CHST8: variants seen among roughly 807,000 people sequenced by gnomAD.
CHST8 encodes the protein GALNAC-4-ST1.
Under a neutral mutation model 15.0 loss-of-function variants are expected in CHST8, and 10 were observed. The ratio of observed to expected loss-of-function variants is 0.67; its 90% CI spans 0.41 to 1.13. CHST8 has a LOEUF of 1.13. Ranked by LOEUF, CHST8 falls within the 50% of genes most tolerant of loss-of-function variation. The probability of loss-of-function intolerance (pLI) is 0.00; values close to 1 mark genes in which losing one functional copy is unlikely to be tolerated. For missense variants in CHST8, 634 were observed against 608.2 expected, an observed-to-expected ratio of 1.04 and a Z score of -0.45; for synonymous variants, 259 against 256.6, an observed-to-expected ratio of 1.01 and a Z score of -0.09.
At chr19:33,704,433 A>T (rs1449797633) in intron 3 of CHST8, among the ~76,000 whole-genome samples, 1 of 152,158 alleles carries the variant, frequency 6.6e-6, no homozygotes, top group Non-Finnish European at 1.5e-5. Context: ...AGTAGGCCTG[A>T]CAGAGCCACA....
chr19:33,760,506 G>C (rs555599096), intron 3 of CHST8, among the ~76,000 whole-genome samples: 1 of 151,160 alleles, frequency 6.6e-6, no homozygotes, highest in African/African-American at 2.4e-5. Flanking sequence ...TTTTTTTAGA[G>C]ATGGGGTCTC....
chr19:33,651,681 T>C (rs1019717114), intron 1 of CHST8, among the ~76,000 whole-genome samples: 1 of 152,210 alleles, frequency 6.6e-6, no homozygotes, highest in Non-Finnish European at 1.5e-5. Flanking sequence ...AAGAGCATTT[T>C]TTTCTCTTCT....
intron 1 of CHST8, among the ~76,000 whole-genome samples, chr19:33,648,277 G>GC (rs1305490060): frequency 6.6e-6 from 1 of 152,146 alleles, no homozygotes; most frequent in African/African-American, 2.4e-5. Flanking sequence ...CCTGAAGTGT[G>GC]CAATTCCATG....
intron 1 of CHST8, among the ~76,000 whole-genome samples, chr19:33,648,697 C>T (rs1172320457): frequency 6.6e-6 from 1 of 152,128 alleles, no homozygotes; most frequent in Non-Finnish European, 1.5e-5. Flanking sequence ...CCAGCAATTC[C>T]ACTCCTGGGT....
At chr19:33,727,787 G>A (rs1466187231) in intron 3 of CHST8, among the ~76,000 whole-genome samples, 1 of 152,248 alleles carries the variant, frequency 6.6e-6, no homozygotes, top group Non-Finnish European at 1.5e-5. Context: ...GCCGTAGCGG[G>A]CTGGTGGCTG....
chr19:33,727,119 G>A (rs1355250849), intron 3 of CHST8, among the ~76,000 whole-genome samples: 3 of 151,702 alleles, frequency 2.0e-5, no homozygotes, highest in Non-Finnish European at 4.4e-5. Context: ...CTGGCCACGC[G>A]TCCTGCTCCC....
intron 3 of CHST8, among the ~76,000 whole-genome samples, chr19:33,709,899 C>A (rs1291122107): frequency 6.6e-6 from 1 of 152,264 alleles, no homozygotes; most frequent in African/African-American, 2.4e-5. Context: ...GCCTCTAACT[C>A]CTAGGCTCAA....
chr19:33,771,911 C>T, intron 4 of CHST8, 46 bp from the exon 5 acceptor site: 1 of 1,520,684 alleles, frequency 6.6e-7, no homozygotes, highest in Non-Finnish European at 8.8e-7. Context: ...CCCTCAGTGC[C>T]CAGCTGTCCT....
intron 2 of CHST8, among the ~76,000 whole-genome samples, chr19:33,679,718 T>C (rs1972860183): frequency 6.6e-6 from 1 of 152,226 alleles, no homozygotes; most frequent in South Asian, 2.1e-4. Context: ...GCTTATTTCT[T>C]GTGTGTAACC....
At chr19:33,647,952 A>T (rs1274105266) in intron 1 of CHST8, among the ~76,000 whole-genome samples, 1 of 151,218 alleles carries the variant, frequency 6.6e-6, no homozygotes, top group East Asian at 1.9e-4. Flanking sequence ...TTTTTTTTTT[A>T]GGATTGGAGA....
intron 3 of CHST8, among the ~76,000 whole-genome samples, chr19:33,756,809 T>C (rs2145366592): frequency 6.6e-6 from 1 of 152,368 alleles, no homozygotes; most frequent in Non-Finnish European, 1.5e-5. Flanking sequence ...GAATGACTTC[T>C]GAACATGCAA....
chr19:33,658,190 A>C (rs1333039862), intron 1 of CHST8, among the ~76,000 whole-genome samples: 1 of 152,172 alleles, frequency 6.6e-6, no homozygotes, highest in Non-Finnish European at 1.5e-5. Context: ...AAATCCAAAA[A>C]GTAGCTAGGT....
chr19:33,629,709 A>G (rs1972098745), intron 1 of CHST8, among the ~76,000 whole-genome samples: 1 of 152,182 alleles, frequency 6.6e-6, no homozygotes, highest in African/African-American at 2.4e-5. Flanking sequence ...CCTTGTCCTC[A>G]CTGTCTGGGC....
intron 3 of CHST8, among the ~76,000 whole-genome samples, chr19:33,770,064 C>T (rs116948109): frequency 2.6e-5 from 4 of 152,138 alleles, no homozygotes; most frequent in Non-Finnish European, 4.4e-5. Context: ...AGGAGACGTG[C>T]GGGCACGGCC....
intron 1 of CHST8, among the ~76,000 whole-genome samples, chr19:33,665,074 C>A (rs1435593852): frequency 6.6e-6 from 1 of 152,150 alleles, no homozygotes; most frequent in Non-Finnish European, 1.5e-5. Context: ...GTGTAGATAT[C>A]TTTGTAATAC....
rs752033686 is a variant in CHST8, at chr19:33,772,328, C to G, written c.540C>G (p.His180Gln). The G allele has an allele frequency of 1.2e-6, 2 of 1,605,810 alleles. No individual in the cohort carries two copies. The highest frequency in any genetic ancestry group is 4.5e-5 in the East Asian group (2 of 44,830). The change falls in exon 5 of 5, where the codon CAC (histidine) becomes CAG (glutamine). Residue 180 changes from histidine to glutamine, a missense_variant. Physicochemically the swap from His to Gln is conservative, Grantham distance 24. Coordinates refer to ENST00000650847, the MANE Select transcript of CHST8 (RefSeq NM_001127895.2). ...SSSRRAVTPR[H>Q]VSRIFVEDRH... ...GCCGCCGGGCCGTCACGCCCCGCCA[C>G]GTGTCCCGTATCTTCGTGGAGGACC...
At chr19:33,749,044 G>C (rs1013613042) in intron 3 of CHST8, among the ~76,000 whole-genome samples, 1 of 152,152 alleles carries the variant, frequency 6.6e-6, no homozygotes, top group Non-Finnish European at 1.5e-5. Context: ...GTGCCAGAGG[G>C]ACAGCAGCAA....
At chr19:33,697,965 T>C (rs1162514930) in intron 3 of CHST8, among the ~76,000 whole-genome samples, 2 of 151,424 alleles carry the variant, frequency 1.3e-5, no homozygotes. Context: ...GACCCCGGAG[T>C]AGGGAGTGGT....
intron 1 of CHST8, among the ~76,000 whole-genome samples, chr19:33,665,637 GA>G (rs537538600): frequency 9.7e-4 from 137 of 141,392 alleles, no homozygotes; most frequent in East Asian, 3.1e-3. Context: ...CTTCAAAACT[GA>G]AAAAAAAAAA....
Sources: gnomAD v4.1 joint callset for allele counts (sites outside exome capture counted in the v4.1 genomes callset) on GRCh38, gnomAD v4.1.1 for gene constraint, MANE v1.5 for transcripts, NCBI Gene and HGNC (gene_info 2026-07-23, HGNC 2026-07-21) for gene names.